The following USP45 variants were observed in gnomAD, a reference collection of about 807,000 sequenced individuals.
USP45 encodes the protein ubiquitin specific peptidase 45, also known as ubiquitin carboxyl-terminal hydrolase 45.
In USP45, 89 loss-of-function variants were observed where a neutral mutation model predicts 95.8. The ratio of observed to expected loss-of-function variants is 0.93; its 90% CI spans 0.78 to 1.11. The LOEUF is 1.11. Among genes scored for constraint, USP45 ranks in the 50% least tolerant of loss-of-function variants. The pLI is 0.00. For missense variants in USP45, 898 were observed against 942.5 expected (o/e 0.95, Z 0.62); for synonymous variants, 281 against 316.2 (o/e 0.89, Z 1.18).
At position 99,473,027 on chromosome 6, in the gene USP45, CTT is replaced by C. The variant is rs67592484; in HGVS notation, c.933+3114_933+3115del. Among the ~76,000 whole-genome samples, 8 of 148,830 alleles carry C rather than the reference CTT, an allele frequency of 5.4e-5. No homozygotes were observed. The East Asian group carries it at 9.7e-4, about 18-fold the overall frequency. ...TCAATGGTTAACTAATTATAAATCT[CTT>C]TTTTTTTTTCTTTTTTAGACACAAT... On this transcript the variant is annotated intron_variant, in intron 9 of 17. Coordinates refer to ENST00000500704, the MANE Select transcript of USP45 (RefSeq NM_001346022.3).
chr6:99,437,312 A>G lies in USP45; in HGVS notation c.2248T>C (p.Tyr750His), dbSNP rs1285659230. 6 of 1,613,828 alleles carry G rather than the reference A, an allele frequency of 3.7e-6. No homozygotes were observed. The highest frequency in any genetic ancestry group is 1.3e-5 in the African/African-American group (1 of 74,894). ...GSMREGHYTA[Y>H]VKVRTPSRKL... is the part of the protein sequence containing the mutation. ...CTGGAGGGTGTTCTCACTTTCACAT[A>G]AGCAGTGTAGTGGCCTTCTCTCATC... is the stretch of plus-strand genomic sequence containing the variant. The change falls in exon 17 of 18, where the codon TAT (tyrosine) becomes CAT (histidine). Residue 750 changes from tyrosine (Y) to histidine (H), a missense_variant. Coordinates refer to ENST00000500704, the MANE Select transcript of USP45 (RefSeq NM_001346022.3).
At chr6:99,451,793 T>C (rs892214031) in intron 13 of USP45, among the ~76,000 whole-genome samples, 5 of 152,078 alleles carry the variant, frequency 3.3e-5, no homozygotes, top group South Asian at 2.1e-4. Flanking sequence ...TACAAGGCTA[T>C]AGTAACCAAA....
intron 2 of USP45, 83 bp downstream of exon 2, chr6:99,510,038 C>T (rs1799434180): frequency 8.8e-6 from 9 of 1,017,902 alleles, no homozygotes; most frequent in African/African-American, 3.2e-5. Context: ...TGATCCTCAG[C>T]GTTCAAACCC....
chr6:99,499,288 C>T (rs1021283412), intron 5 of USP45, among the ~76,000 whole-genome samples: 1 of 152,164 alleles, frequency 6.6e-6, no homozygotes, highest in African/African-American at 2.4e-5. Context: ...CACCCAAACA[C>T]AATAATACAG....
chr6:99,489,176 T>C (rs1377688257), intron 5 of USP45, among the ~76,000 whole-genome samples: 2 of 152,176 alleles, frequency 1.3e-5, no homozygotes, highest in East Asian at 1.9e-4. Context: ...GGCTGATTCT[T>C]AACCCAGGGT....
intron 9 of USP45, among the ~76,000 whole-genome samples, chr6:99,475,360 A>C (rs1289744255): frequency 7.0e-6 from 1 of 143,190 alleles, no homozygotes; most frequent in Non-Finnish European, 1.5e-5. Context: ...TCCGTCACCC[A>C]GGCTGGAGTG....
chr6:99,450,535 ATAAT>A (rs1327954084), intron 13 of USP45, among the ~76,000 whole-genome samples: 1 of 152,226 alleles, frequency 6.6e-6, no homozygotes, highest in Non-Finnish European at 1.5e-5. Context: ...AATAGAGGCA[ATAAT>A]TAATAGCCTA....
chr6:99,504,809 T>A (rs779612905), intron 4 of USP45, among the ~76,000 whole-genome samples: 1 of 152,130 alleles, frequency 6.6e-6, no homozygotes, highest in East Asian at 1.9e-4. Flanking sequence ...TTTAAGTGGG[T>A]AGAGGCCAGG....
rs560962369 is a variant in USP45 at position 99,484,822 on chromosome 6, T to C, written c.715-1939A>G. On this transcript the variant is annotated intron_variant, in intron 7 of 17. Coordinates refer to ENST00000500704, the MANE Select transcript of USP45 (RefSeq NM_001346022.3). ...AAAAAAAAAGTGTTTTCTCTTCTGCTGTAAACTTAAAACTGCTCTAAAAAA... is the reference window on the plus strand; with the variant it reads ...AAAAAAAAAGTGTTTTCTCTTCTGCCGTAAACTTAAAACTGCTCTAAAAAA... 5.9e-4 allele frequency among the ~76,000 whole-genome samples: 87 copies of C among 147,954 alleles called. 1 individual carries two copies. The highest frequency in any genetic ancestry group is 1.3e-3 in the South Asian group (6 of 4,530).
chr6:99,492,584 T>G (rs562565774), intron 5 of USP45, among the ~76,000 whole-genome samples: 1 of 151,958 alleles, frequency 6.6e-6, no homozygotes, highest in South Asian at 2.1e-4. Flanking sequence ...AACCTCCGCC[T>G]CCCAGGTACA....
chr6:99,491,923 C>T (rs1212330245), intron 5 of USP45, among the ~76,000 whole-genome samples: 1 of 151,438 alleles, frequency 6.6e-6, no homozygotes, highest in Middle Eastern at 3.2e-3. Context: ...ATATACACGA[C>T]GCCTATTGGG....
chr6:99,503,469 T>C (rs991789375), intron 5 of USP45, among the ~76,000 whole-genome samples: 4 of 151,434 alleles, frequency 2.6e-5, no homozygotes, highest in Admixed American at 2.0e-4. Context: ...GTAGCTGGGA[T>C]TACAGGCATG....
At chr6:99,444,770 TC>T (rs1782167607) in intron 14 of USP45, among the ~76,000 whole-genome samples, 1 of 152,168 alleles carries the variant, frequency 6.6e-6, no homozygotes, top group Non-Finnish European at 1.5e-5. Flanking sequence ...GCCCATGTTT[TC>T]CCCTCACTCC....
chr6:99,468,976 T>A (rs1392636434), intron 9 of USP45, among the ~76,000 whole-genome samples: 1 of 152,100 alleles, frequency 6.6e-6, no homozygotes, highest in African/African-American at 2.4e-5. Flanking sequence ...CACTTCTTAA[T>A]TAGGACCAAA....
chr6:99,499,439 G>A (rs1414137344), intron 5 of USP45, among the ~76,000 whole-genome samples: 1 of 151,928 alleles, frequency 6.6e-6, no homozygotes. Context: ...AAAAATATAC[G>A]GAAGCCGCAT....
In USP45 at chr6:99,478,054, G is replaced by A. The variant is rs372366453; in HGVS notation, c.846-1824C>T. Among the ~76,000 whole-genome samples the A allele has an allele frequency of 3.3e-5, 5 of 152,280 alleles. No homozygotes were observed. The East Asian group carries it at 5.8e-4, about 18-fold the overall frequency. On this transcript the variant is annotated intron_variant, in intron 8 of 17. Transcript: ENST00000500704. Reference sequence around the variant, plus strand: ...TCACTAGCCAAGTGGTAGGTAGGAGGAGGGGGCAGTTTATGGCTTTCAAAG... The same window carrying A: ...TCACTAGCCAAGTGGTAGGTAGGAGAAGGGGGCAGTTTATGGCTTTCAAAG...
At position 99,464,651 on chromosome 6, in the gene USP45, T is replaced by C; in HGVS notation, c.1261A>G (p.Ile421Val). ...TTCTTGGCAGCTCTAGGTTGATGAA[T>C]ATTTTCTATAGTAACATTGCCACTG... ...RYSGNVTIENIHQPRAAKKHS... is the reference protein window; with the variant it reads ...RYSGNVTIENVHQPRAAKKHS... Residue 421 changes from isoleucine (I) to valine (V), a missense_variant, in exon 13 of 18, where the codon ATT becomes GTT. Coordinates refer to ENST00000500704, the MANE Select transcript of USP45 (RefSeq NM_001346022.3). The C allele has an allele frequency of 1.2e-6, 2 of 1,613,406 alleles. No individual in the cohort carries two copies. The highest frequency in any genetic ancestry group is 2.2e-5 in the South Asian group (2 of 91,056).
intron 5 of USP45, among the ~76,000 whole-genome samples, chr6:99,497,719 G>T (rs1796605052): frequency 6.6e-6 from 1 of 152,074 alleles, no homozygotes; most frequent in South Asian, 2.1e-4. Context: ...CTTAACAGTG[G>T]TTCCTCACTG....
intron 16 of USP45, among the ~76,000 whole-genome samples, chr6:99,437,628 A>G (rs1780753426): frequency 6.6e-6 from 1 of 152,188 alleles, no homozygotes; most frequent in Non-Finnish European, 1.5e-5. Context: ...TGCAAAGGGT[A>G]CAATCCCTAT....
Sources: gnomAD v4.1 joint callset for allele counts (sites outside exome capture counted in the v4.1 genomes callset) on GRCh38, gnomAD v4.1.1 for gene constraint, MANE v1.5 for transcripts, NCBI Gene and HGNC (gene_info 2026-07-23, HGNC 2026-07-21) for gene names.